GRIK3: variants seen among roughly 807,000 people sequenced by gnomAD.
GRIK3 encodes the protein glutamate receptor ionotropic, kainate 3.
Under a neutral mutation model 102.5 loss-of-function variants are expected in GRIK3, and 29 were observed. The ratio of observed to expected loss-of-function variants is 0.28; its 90% CI spans 0.21 to 0.39. The LOEUF (loss-of-function observed/expected upper bound fraction) is 0.39, where lower values mean the gene tolerates loss of function less well. Among genes scored for constraint, GRIK3 ranks in the 10% least tolerant of loss-of-function variants. The pLI is 1.00. For missense variants in GRIK3, 908 were observed against 1,252.4 expected (o/e 0.73, Z 4.15); for synonymous variants, 511 against 504.9 (o/e 1.01, Z -0.16).
chr1:36,882,609 C>A (rs1039417175), intron 2 of GRIK3, among the ~76,000 whole-genome samples: 1 of 152,150 alleles, frequency 6.6e-6, no homozygotes, highest in South Asian at 2.1e-4. Context: ...ACTGACCTTC[C>A]TAGTTCACAG....
At chr1:36,910,880 A>G (rs1233906262) in intron 1 of GRIK3, among the ~76,000 whole-genome samples, 2 of 152,160 alleles carry the variant, frequency 1.3e-5, no homozygotes, top group Non-Finnish European at 2.9e-5. Flanking sequence ...CCTAGCTCAG[A>G]ACAGGAGGTG....
chr1:36,966,314 C>A (rs564501798), intron 1 of GRIK3, among the ~76,000 whole-genome samples: 109 of 152,286 alleles, frequency 7.2e-4, no homozygotes, highest in African/African-American at 2.5e-3. Flanking sequence ...AAGTGTCAGA[C>A]GGAAAGGTCA....
intron 1 of GRIK3, among the ~76,000 whole-genome samples, chr1:36,936,074 G>T (rs999173107): frequency 1.3e-5 from 2 of 152,182 alleles, no homozygotes; most frequent in African/African-American, 4.8e-5. Flanking sequence ...TTGGCCACAG[G>T]GGGAGATAAA....
rs943002943 is a variant in GRIK3 at position 36,860,037 on chromosome 1, T to C, written c.787-20A>G. 3 of 1,546,544 alleles carry C rather than the reference T, an allele frequency of 1.9e-6. No homozygotes were observed. Among genetic ancestry groups the C allele is most frequent in the African/African-American group, 2.8e-5 (2 of 72,530 alleles). ...GAGATCCTGGATAGAGAGAGGTCTG[T>C]GTAAACCAAGGCATGCTCACTGCTG... On this transcript the variant is annotated intron_variant, in intron 5 of 15. Coordinates refer to ENST00000373091, the MANE Select transcript of GRIK3 (RefSeq NM_000831.4).
chr1:36,837,456 C>T (rs1405612193), intron 10 of GRIK3, among the ~76,000 whole-genome samples: 1 of 152,032 alleles, frequency 6.6e-6, no homozygotes, highest in African/African-American at 2.4e-5. Flanking sequence ...CTCATCAGTT[C>T]TCCTGCTTGT....
intron 9 of GRIK3, among the ~76,000 whole-genome samples, chr1:36,843,572 G>C (rs1352994390): frequency 6.6e-6 from 1 of 152,150 alleles, no homozygotes; most frequent in South Asian, 2.1e-4. Flanking sequence ...TGGCTCTCCT[G>C]TCTGTTCCCT....
At chr1:36,994,803 T>A (rs765521053) in intron 1 of GRIK3, among the ~76,000 whole-genome samples, 1 of 152,234 alleles carries the variant, frequency 6.6e-6, no homozygotes, top group Admixed American at 6.5e-5. Context: ...AAAATAACAA[T>A]AATAAAAACG....
At chr1:36,825,953 T>G in intron 10 of GRIK3, 127 bp from the exon 11 acceptor site, 1 of 643,102 alleles carries the variant, frequency 1.6e-6, no homozygotes, top group African/African-American at 1.8e-5. Flanking sequence ...CACTAACCGC[T>G]CTTCTGTTTC....
intron 13 of GRIK3, among the ~76,000 whole-genome samples, chr1:36,810,027 C>T (rs1642545067): frequency 6.6e-6 from 1 of 152,146 alleles, no homozygotes. Context: ...GTCTTGGGGC[C>T]CCCCTTCTCA....
chr1:36,945,912 C>T (rs762505194), intron 1 of GRIK3, among the ~76,000 whole-genome samples: 5 of 152,204 alleles, frequency 3.3e-5, no homozygotes, highest in African/African-American at 4.8e-5. Flanking sequence ...CCCTGTTGTG[C>T]TCCAAGGGGG....
chr1:36,857,511 A>C (rs2124236678), intron 7 of GRIK3, among the ~76,000 whole-genome samples: 1 of 152,338 alleles, frequency 6.6e-6, no homozygotes, highest in South Asian at 2.1e-4. Context: ...AAGGGACTCC[A>C]GTCAGGCACT....
intron 1 of GRIK3, among the ~76,000 whole-genome samples, chr1:36,922,340 G>A (rs893422995): frequency 6.6e-6 from 1 of 152,200 alleles, no homozygotes; most frequent in Non-Finnish European, 1.5e-5. Flanking sequence ...CTGCCCTGTG[G>A]CAGGTACCAC....
In GRIK3 at chr1:36,831,537, G is replaced by A. The variant is rs147978133; in HGVS notation, c.1531-5711C>T. Reference sequence around the variant, plus strand: ...CACTTTGAATCTATCCGTATCCATGGTGCTAATTAAAGTAGGTCAGGACTT... The same window carrying A: ...CACTTTGAATCTATCCGTATCCATGATGCTAATTAAAGTAGGTCAGGACTT... On this transcript the variant is annotated intron_variant, in intron 10 of 15. Transcript: ENST00000373091. Among the ~76,000 whole-genome samples, 391 of 152,276 alleles carry A rather than the reference G, an allele frequency of 2.6e-3. 4 individuals are homozygous for A. Among genetic ancestry groups the A allele is most frequent in the African/African-American group, 8.8e-3 (364 of 41,546 alleles).
chr1:36,962,833 G>A (rs1391323422), intron 1 of GRIK3, among the ~76,000 whole-genome samples: 6 of 144,294 alleles, frequency 4.2e-5, no homozygotes, highest in Non-Finnish European at 4.5e-5. Flanking sequence ...GCAGTGAGCC[G>A]AGATCGTGCC....
intron 1 of GRIK3, among the ~76,000 whole-genome samples, chr1:37,030,087 C>T (rs1569587052): frequency 6.6e-6 from 1 of 152,208 alleles, no homozygotes; most frequent in Non-Finnish European, 1.5e-5. Context: ...CTGGGGCTAA[C>T]AGCAGCAGCT....
At chr1:37,027,548 T>C (rs1353388231) in intron 1 of GRIK3, among the ~76,000 whole-genome samples, 3 of 152,100 alleles carry the variant, frequency 2.0e-5, no homozygotes, top group African/African-American at 7.2e-5. Flanking sequence ...CTCCCTAGCA[T>C]CACCCTACAC....
chr1:36,993,885 C>G (rs533412485), intron 1 of GRIK3, among the ~76,000 whole-genome samples: 3 of 152,376 alleles, frequency 2.0e-5, no homozygotes, highest in East Asian at 3.9e-4. Context: ...CAGAGCCCCA[C>G]TGGGGCTGAC....
chr1:36,815,696 G>T (rs1417756432), intron 13 of GRIK3, among the ~76,000 whole-genome samples: 1 of 152,130 alleles, frequency 6.6e-6, no homozygotes, highest in Admixed American at 6.5e-5. Context: ...CACATTCTCG[G>T]CCCCATCTAG....
intron 7 of GRIK3, among the ~76,000 whole-genome samples, chr1:36,856,920 A>G (rs547982718): frequency 3.3e-5 from 5 of 152,314 alleles, no homozygotes; most frequent in East Asian, 1.9e-4. Flanking sequence ...AGGAAGGCAC[A>G]GTGATAACAG....
Sources: allele counts gnomAD v4.1 joint callset (sites outside exome capture counted in the v4.1 genomes callset), GRCh38; gene constraint gnomAD v4.1.1; transcripts MANE v1.5; gene names NCBI Gene and HGNC (gene_info 2026-07-23, HGNC 2026-07-21).